Variants in ODR4 observed in about 807,000 individuals in gnomAD.
ODR4 encodes protein odr-4 homolog.
Under a neutral mutation model 60.2 loss-of-function variants are expected in ODR4, and 47 were observed. The observed-to-expected ratio is 0.78, with a 90% CI of 0.62 to 1.00. ODR4 has a LOEUF of 1.00. Among genes scored for constraint, ODR4 ranks in the 50% least tolerant of loss-of-function variants. The probability of loss-of-function intolerance (pLI) is 0.00; values close to 1 mark genes in which losing one functional copy is unlikely to be tolerated. For synonymous variants in ODR4, 178 were observed against 175.5 expected, an observed-to-expected ratio of 1.01 and a Z score of -0.11; for missense variants, 488 against 530.8, an observed-to-expected ratio of 0.92 and a Z score of 0.79.
chr1:186,378,334 A>C (rs1194629911), intron 1 of ODR4, among the ~76,000 whole-genome samples: 1 of 152,216 alleles, frequency 6.6e-6, no homozygotes, highest in Non-Finnish European at 1.5e-5. Flanking sequence ...AGTGTTCAAA[A>C]TACTGTAACT....
chr1:186,393,691 G>T (rs1402422765), intron 8 of ODR4, among the ~76,000 whole-genome samples: 2 of 152,206 alleles, frequency 1.3e-5, no homozygotes, highest in African/African-American at 4.8e-5. Flanking sequence ...AAGATGAGTG[G>T]CAATGTGGGT....
In ODR4 at chr1:186,398,980, A is replaced by G; in HGVS notation, c.936A>G (p.Thr312=). 1.9e-6 allele frequency: 3 copies of G among 1,613,112 alleles called. No homozygotes were observed. The highest frequency in any genetic ancestry group is 2.5e-6 in the Non-Finnish European group (3 of 1,179,512). Residue 312 remains threonine, a synonymous_variant, in exon 11 of 14, where the codon ACA becomes ACG. Transcript: ENST00000287859. The stretch of plus-strand genomic sequence containing the variant: ...CAGTAAAGAGGGATATATTGAACAC[A>G]GTTGCTGATCGTTGTGAAATGCTAT... ...VQAVKRDILN[T]VADRCEMLFE... is the part of the protein sequence containing the mutation.
chr1:186,379,597 G>C (rs995614254), intron 1 of ODR4, among the ~76,000 whole-genome samples, 170 bp from the exon 2 acceptor site: 1 of 152,096 alleles, frequency 6.6e-6, no homozygotes, highest in Non-Finnish European at 1.5e-5. Context: ...AAGAACTCTG[G>C]AACTGCATCT....
At chr1:186,396,720 TATAGATAG>T (rs71104855) in intron 9 of ODR4, among the ~76,000 whole-genome samples, 270 of 144,878 alleles carry the variant, frequency 1.9e-3, no homozygotes, top group South Asian at 7.1e-3. Flanking sequence ...ATGCCATAAT[TATAGATAG>T]ATAGATAGAT....
Position 186,398,873 on chromosome 1 carries a change from A to T in ODR4, c.910-81A>T, listed in dbSNP as rs572889648. 2.0e-4 allele frequency: 211 copies of T among 1,035,996 alleles called. 6 individuals are homozygous for T. In the South Asian group the frequency reaches 3.3e-3, roughly 16 times the overall value. 64.2% of individuals were successfully genotyped at this position (1,035,996 alleles called of 1,614,324 possible). On this transcript the variant is annotated intron_variant, in intron 10 of 13. Transcript: ENST00000287859. ...TGGGCATGATTGTACTGGAAAGCAA[A>T]TTATTTTTTTTGTTAGTTAAATATT...
At position 186,383,821 on chromosome 1, in the gene ODR4, T is replaced by C. The variant is rs200028006; in HGVS notation, c.234+665T>C. Among the ~76,000 whole-genome samples, 19 of 152,124 alleles carry C rather than the reference T, an allele frequency of 1.2e-4. No individual in the cohort carries two copies. In the East Asian group the frequency reaches 3.7e-3, roughly 29 times the overall value. ...GGGAGGCCAAGGTGGGTGGATCACC[T>C]GAGGTCAGGAGTTCAAGACCAGCCT... On this transcript the variant is annotated intron_variant, in intron 3 of 13. Transcript: ENST00000287859.
chr1:186,376,099 A>C (rs1448965781), intron 1 of ODR4, 125 bp downstream of exon 1: 1 of 152,188 alleles, frequency 6.6e-6, no homozygotes, highest in African/African-American at 2.4e-5. Flanking sequence ...CTTCTGACGA[A>C]CTTACCTTGT....
intron 12 of ODR4, among the ~76,000 whole-genome samples, chr1:186,414,416 A>G (rs1420190154): frequency 6.6e-6 from 1 of 152,158 alleles, no homozygotes; most frequent in Non-Finnish European, 1.5e-5. Context: ...GTATTCAAGT[A>G]ATAAATTTCC....
At chr1:186,381,186 CTT>C (rs1322702245) in intron 2 of ODR4, among the ~76,000 whole-genome samples, 2 of 152,146 alleles carry the variant, frequency 1.3e-5, no homozygotes, top group African/African-American at 4.8e-5. Flanking sequence ...GAAGAAGAGT[CTT>C]AGAGAAAGAT....
At chr1:186,377,627 AG>A (rs1298865583) in intron 1 of ODR4, among the ~76,000 whole-genome samples, 4 of 152,258 alleles carry the variant, frequency 2.6e-5, no homozygotes, top group African/African-American at 9.6e-5. Flanking sequence ...GCATACCTTA[AG>A]GCATTACTAA....
chr1:186,390,335 C>T (rs1660414387), intron 6 of ODR4, among the ~76,000 whole-genome samples: 1 of 152,154 alleles, frequency 6.6e-6, no homozygotes, highest in South Asian at 2.1e-4. Context: ...AAGGATGGGA[C>T]AGAAAGGAGA....
rs1415340291 is a variant in ODR4 at position 186,379,805 on chromosome 1, T to C, written c.20T>C (p.Val7Ala). ...CTAAAAATGGGAAGAACCTACATTGTAGAAGAGACTGTTGGCCAGTATCTT... is the reference window on the plus strand; with the variant it reads ...CTAAAAATGGGAAGAACCTACATTGCAGAAGAGACTGTTGGCCAGTATCTT... Reference protein sequence around the residue: MGRTYIVEETVGQYLSN... With the variant: MGRTYIAEETVGQYLSN... The change falls in exon 2 of 14, where the codon GTA becomes GCA. Residue 7 changes from valine to alanine, a missense_variant. Val to Ala is a moderately conservative substitution (Grantham distance 64). Transcript: ENST00000287859. 2 of 1,600,524 alleles carry C rather than the reference T, an allele frequency of 1.2e-6. No homozygotes were observed. Among genetic ancestry groups the C allele is most frequent in the Admixed American group, 1.8e-5 (1 of 56,546 alleles).
At chr1:186,409,722 T>C (rs1197026609) in intron 12 of ODR4, among the ~76,000 whole-genome samples, 2 of 152,142 alleles carry the variant, frequency 1.3e-5, no homozygotes. Context: ...ATTTTTGTAT[T>C]GTTAATAGAG....
chr1:186,403,516 A>G (rs1050687892), intron 11 of ODR4, among the ~76,000 whole-genome samples: 21 of 152,146 alleles, frequency 1.4e-4, no homozygotes, highest in African/African-American at 5.1e-4. Context: ...TGTAGAATGT[A>G]TGCCATAAAA....
chr1:186,409,794 T>G (rs1167279857), intron 12 of ODR4, among the ~76,000 whole-genome samples: 1 of 152,168 alleles, frequency 6.6e-6, no homozygotes, highest in Non-Finnish European at 1.5e-5. Flanking sequence ...TCCGCCTGCC[T>G]CAGCCTCCCA....
intron 1 of ODR4, among the ~76,000 whole-genome samples, chr1:186,377,234 T>C (rs905855891): frequency 3.9e-5 from 6 of 152,228 alleles, no homozygotes; most frequent in African/African-American, 1.4e-4. Context: ...GATGTAATCA[T>C]GCTTTAAAAA....
rs113247382 is a variant in ODR4, at chr1:186,375,993, A to AGTGTGTGTGTGT, written c.-20+37_-20+48dup. ...AAAACAGGTAAGTCAGCCTAAGTGTAGTGTGTGTGTGTGTGTGTGTGTGTG... is the reference window on the plus strand; with the variant it reads ...AAAACAGGTAAGTCAGCCTAAGTGTAGTGTGTGTGTGTGTGTGTGTGTGTGTGTGTGTGTGTG... On this transcript the variant is annotated intron_variant, in intron 1 of 13. Transcript: ENST00000287859. The AGTGTGTGTGTGT allele has an allele frequency of 5.3e-3, 839 of 158,476 alleles. 2 individuals carry two copies. Among genetic ancestry groups the AGTGTGTGTGTGT allele is most frequent in the East Asian group, 0.01 (57 of 5,444 alleles). The allele number at this position is 158,476 out of a possible 1,614,324, so 9.8% of individuals were successfully genotyped here.
At chr1:186,408,358 G>A (rs1020532612) in intron 12 of ODR4, among the ~76,000 whole-genome samples, 8 of 151,884 alleles carry the variant, frequency 5.3e-5, no homozygotes, top group Admixed American at 1.3e-4. Flanking sequence ...TTAGCCTGGC[G>A]TTCTTCATTC....
rs190950375 is a variant in ODR4 at position 186,415,393 on chromosome 1, A to G, written c.1187-2151A>G. On this transcript the variant is annotated intron_variant, in intron 12 of 13. Transcript: ENST00000287859. ...TGTCTATAAGAACATTGTAAATTCA[A>G]CAATAGGCTATTTTACTTTAAATTT... Among the ~76,000 whole-genome samples, 323 of 152,356 alleles carry G rather than the reference A, an allele frequency of 2.1e-3. 2 individuals are homozygous for G. Among genetic ancestry groups the G allele is most frequent in the African/African-American group, 7.1e-3 (295 of 41,592 alleles).
Sources: gnomAD v4.1 joint callset for allele counts (sites outside exome capture counted in the v4.1 genomes callset) on GRCh38, gnomAD v4.1.1 for gene constraint, MANE v1.5 for transcripts, NCBI Gene and HGNC (gene_info 2026-07-23, HGNC 2026-07-21) for gene names.